Variants in ARHGAP26 observed in about 807,000 individuals in gnomAD.
The protein encoded by ARHGAP26 is rho GTPase-activating protein 26.
ARHGAP26 carries 38 observed loss-of-function variants against 104.8 expected under a neutral mutation model. The observed-to-expected ratio is 0.36, with a 90% CI of 0.28 to 0.48. The LOEUF (loss-of-function observed/expected upper bound fraction) is 0.48, where lower values mean the gene tolerates loss of function less well. ARHGAP26 is among the 20% of genes least tolerant of loss of function. The pLI is 0.99. For synonymous variants in ARHGAP26, 341 were observed against 340.0 expected, an observed-to-expected ratio of 1.00 and a Z score of -0.03; for missense variants, 704 against 947.9, an observed-to-expected ratio of 0.74 and a Z score of 3.38.
At chr5:142,776,348 A>G (rs1433508651) in intron 1 of ARHGAP26, among the ~76,000 whole-genome samples, 1 of 152,206 alleles carries the variant, frequency 6.6e-6, no homozygotes, top group Non-Finnish European at 1.5e-5. Flanking sequence ...GTCCTGTTTT[A>G]GAACATTTTT....
At chr5:143,070,538 T>A (rs1788091620) in intron 17 of ARHGAP26, among the ~76,000 whole-genome samples, 1 of 152,184 alleles carries the variant, frequency 6.6e-6, no homozygotes, top group Admixed American at 6.5e-5. Flanking sequence ...CCCATGCTCA[T>A]GGATCAGAAA....
rs1768767214 is a variant in ARHGAP26, at chr5:142,953,775, T to G, written c.1107+21650T>G. On this transcript the variant is annotated intron_variant, in intron 11 of 22. Coordinates refer to ENST00000645722, the MANE Select transcript of ARHGAP26 (RefSeq NM_001135608.3). ...TTTTACCGTGTCCCCTGTTTTCTTT[T>G]AGATGTAGTGACTTGGTATTACCTC... 2.0e-5 allele frequency among the ~76,000 whole-genome samples: 3 copies of G among 152,348 alleles called. No individual in the cohort carries two copies. In the South Asian group the frequency reaches 6.2e-4, roughly 32 times the overall value.
Position 142,949,196 on chromosome 5 carries a change from AGAGAGAGAGAGAGAGAGAGAGAGAG to A in ARHGAP26, c.1107+17083_1107+17107del, listed in dbSNP as rs1767764166. On this transcript the variant is annotated intron_variant, in intron 11 of 22. Coordinates refer to ENST00000645722, the MANE Select transcript of ARHGAP26 (RefSeq NM_001135608.3). The stretch of plus-strand genomic sequence containing the variant: ...GAGAGAGAGAGAGAGAGAGAGAGAG[AGAGAGAGAGAGAGAGAGAGAGAGAG>A]GAGAGAGAGAGGAGAGAGAGAGAGA... Among the ~76,000 whole-genome samples the A allele has an allele frequency of 1.3e-3, 49 of 38,154 alleles. 13 individuals carry two copies. The highest frequency in any genetic ancestry group is 0.013 in the African/African-American group (48 of 3,814). The allele number at this position is 38,154 out of a possible 152,430, so 25.0% of individuals were successfully genotyped here. A position where few individuals can be genotyped will look rare whatever the true frequency, so the allele number is the denominator to read the frequency against.
rs969353480 is a variant in ARHGAP26 at position 142,969,100 on chromosome 5, T to TTTA, written c.1107+36993_1107+36995dup. Among the ~76,000 whole-genome samples, 167 of 151,932 alleles carry TTTA rather than the reference T, an allele frequency of 1.1e-3. 1 individual carries two copies. The highest frequency in any genetic ancestry group is 6.8e-3 in the Middle Eastern group (2 of 294). The stretch of plus-strand genomic sequence containing the variant: ...GTGTGCACCACCATACTCAGCTCTT[T>TTTA]TTATTATTATTATTATTATTTATAG... On this transcript the variant is annotated intron_variant, in intron 11 of 22. Coordinates refer to ENST00000645722, the MANE Select transcript of ARHGAP26 (RefSeq NM_001135608.3).
chr5:142,907,947 G>A lies in ARHGAP26; in HGVS notation c.933+143G>A, dbSNP rs545759439. 2.3e-4 allele frequency: 93 copies of A among 407,804 alleles called. No homozygotes were observed. The Middle Eastern group carries it at 2.7e-3, about 12-fold the overall frequency. The allele number at this position is 407,804 out of a possible 1,614,324, so 25.3% of individuals were successfully genotyped here. ...TAATAATTTAAAAAATTTTTATATA[G>A]TAGTTCAGGAAGCCTAAGAGGCTGA... On this transcript the variant is annotated intron_variant, in intron 9 of 22. Transcript: ENST00000645722.
chr5:143,212,354 GAAAA>G (rs201236164), intron 21 of ARHGAP26, among the ~76,000 whole-genome samples: 2 of 135,766 alleles, frequency 1.5e-5, no homozygotes, highest in African/African-American at 2.7e-5. Flanking sequence ...AGCCTCTCAA[GAAAA>G]AAAAAAAAAA....
chr5:142,884,487 A>G (rs776325694), intron 4 of ARHGAP26, among the ~76,000 whole-genome samples: 1 of 152,248 alleles, frequency 6.6e-6, no homozygotes, highest in South Asian at 2.1e-4. Context: ...CCCCATTACC[A>G]TAACTCAGGT....
intron 1 of ARHGAP26, among the ~76,000 whole-genome samples, chr5:142,863,789 C>T (rs1220438855): frequency 6.6e-6 from 1 of 152,148 alleles, no homozygotes; most frequent in Non-Finnish European, 1.5e-5. Flanking sequence ...GACAAGATCC[C>T]AGGTGATTGG....
chr5:143,124,198 G>GTATT (rs1324428185), intron 18 of ARHGAP26, among the ~76,000 whole-genome samples: 2 of 152,176 alleles, frequency 1.3e-5, no homozygotes, highest in African/African-American at 4.8e-5. Context: ...CTTATATAAG[G>GTATT]TATTTACTTT....
At chr5:143,060,155 A>T (rs116022278) in intron 17 of ARHGAP26, among the ~76,000 whole-genome samples, 1,534 of 152,344 alleles carry the variant, frequency 0.01, 27 homozygotes, top group African/African-American at 0.035. Flanking sequence ...GACTTACCCT[A>T]GGCTATGCCT....
At chr5:143,161,569 T>G (rs1386880992) in intron 20 of ARHGAP26, among the ~76,000 whole-genome samples, 1 of 152,216 alleles carries the variant, frequency 6.6e-6, no homozygotes, top group Non-Finnish European at 1.5e-5. Flanking sequence ...ACTCCTGACC[T>G]TTATGGAGAT....
intron 17 of ARHGAP26, chr5:143,103,053 G>C (rs1347570521): frequency 6.1e-6 from 1 of 164,154 alleles, no homozygotes; most frequent in African/African-American, 2.4e-5. Flanking sequence ...ATTTGTGAAA[G>C]ATATATGGAT....
chr5:142,893,391 C>G (rs372950836), intron 5 of ARHGAP26, among the ~76,000 whole-genome samples: 1 of 152,156 alleles, frequency 6.6e-6, no homozygotes, highest in Non-Finnish European at 1.5e-5. Flanking sequence ...TCTGTGCCTT[C>G]ACTTGACATA....
chr5:143,197,778 A>G (rs952117686), intron 20 of ARHGAP26, among the ~76,000 whole-genome samples: 6 of 152,326 alleles, frequency 3.9e-5, no homozygotes, highest in East Asian at 1.9e-4. Context: ...ATTTAGGTCT[A>G]TAATCCATCT....
intron 11 of ARHGAP26, among the ~76,000 whole-genome samples, chr5:142,961,381 A>T (rs1371459229): frequency 6.6e-6 from 1 of 151,934 alleles, no homozygotes; most frequent in African/African-American, 2.4e-5. Flanking sequence ...AGTTCCAGCT[A>T]CGTGGGAAGC....
intron 11 of ARHGAP26, among the ~76,000 whole-genome samples, chr5:142,944,960 A>C (rs1028634938): frequency 6.6e-6 from 1 of 152,078 alleles, no homozygotes; most frequent in African/African-American, 2.4e-5. Flanking sequence ...TCAGATTTGG[A>C]GCAGTGAGCA....
At chr5:143,137,555 G>A (rs1562490898) in intron 19 of ARHGAP26, among the ~76,000 whole-genome samples, 1 of 152,196 alleles carries the variant, frequency 6.6e-6, no homozygotes, top group East Asian at 1.9e-4. Context: ...GCGCACTCCC[G>A]CATACCTCTC....
chr5:142,793,021 C>T (rs1245127628), intron 1 of ARHGAP26, among the ~76,000 whole-genome samples: 1 of 152,162 alleles, frequency 6.6e-6, no homozygotes, highest in Non-Finnish European at 1.5e-5. Context: ...GGGTATTCCC[C>T]CTAGGCATCA....
chr5:143,217,535 T>G (rs1370431982), intron 22 of ARHGAP26, among the ~76,000 whole-genome samples: 1 of 152,232 alleles, frequency 6.6e-6, no homozygotes, highest in African/African-American at 2.4e-5. Context: ...AGGGATACTT[T>G]TAATAAGATT....
Sources: gnomAD v4.1 joint callset for allele counts (sites outside exome capture counted in the v4.1 genomes callset) on GRCh38, gnomAD v4.1.1 for gene constraint, MANE v1.5 for transcripts, NCBI Gene and HGNC (gene_info 2026-07-23, HGNC 2026-07-21) for gene names.